Variants in SLC39A11 observed in about 807,000 individuals in gnomAD.
The protein encoded by SLC39A11 is solute carrier family 39 member 11.
Under a neutral mutation model 36.1 loss-of-function variants are expected in SLC39A11, and 33 were observed. The observed-to-expected ratio is 0.91, with a 90% CI of 0.69 to 1.22. SLC39A11 has a LOEUF of 1.22. SLC39A11 is among the 50% of genes most tolerant of loss of function. The pLI is 0.00. For missense variants in SLC39A11, 432 were observed against 430.3 expected (o/e 1.00, Z -0.03); for synonymous variants, 166 against 170.3 (o/e 0.97, Z 0.20).
Position 72,649,067 on chromosome 17 carries a change from C to T in SLC39A11, c.770+103G>A, listed in dbSNP as rs572995160. On this transcript the variant is annotated intron_variant, in intron 8 of 9. Coordinates refer to ENST00000255559, the MANE Select transcript of SLC39A11 (RefSeq NM_139177.4). ...TAGCACATGGATGCATGCCATTCTACGTCATATCTGAGCATGGCAGTGCAA... is the reference window on the plus strand; with the variant it reads ...TAGCACATGGATGCATGCCATTCTATGTCATATCTGAGCATGGCAGTGCAA... The T allele has an allele frequency of 8.4e-4, 1,291 of 1,537,326 alleles. 15 individuals are homozygous for T. In the South Asian group the frequency reaches 0.013, roughly 15 times the overall value.
chr17:72,760,960 T>G (rs1420187345), intron 6 of SLC39A11, among the ~76,000 whole-genome samples: 1 of 152,214 alleles, frequency 6.6e-6, no homozygotes, highest in African/African-American at 2.4e-5. Flanking sequence ...TACTGCCCCT[T>G]TAACCACATA....
chr17:72,730,244 G>A (rs573459985), intron 7 of SLC39A11, among the ~76,000 whole-genome samples: 16 of 152,250 alleles, frequency 1.1e-4, no homozygotes, highest in Admixed American at 8.5e-4. Flanking sequence ...TAAACAGTTC[G>A]AGGCTTATGT....
chr17:72,653,158 G>C (rs956351765), intron 7 of SLC39A11, among the ~76,000 whole-genome samples: 9 of 149,700 alleles, frequency 6.0e-5, no homozygotes, highest in Non-Finnish European at 1.3e-4. Context: ...AGGCTAGAGT[G>C]CACTGGCACG....
intron 5 of SLC39A11, among the ~76,000 whole-genome samples, chr17:72,853,206 TC>T (rs368721063): frequency 0.38 from 54,267 of 143,978 alleles, 10,478 homozygotes; most frequent in East Asian, 0.67. Context: ...TTTTTTTTTT[TC>T]AGTAGAGACA....
chr17:72,926,867 T>G (rs1208700333), intron 5 of SLC39A11, among the ~76,000 whole-genome samples: 1 of 151,994 alleles, frequency 6.6e-6, no homozygotes, highest in Non-Finnish European at 1.5e-5. Context: ...CACCTGGGGA[T>G]CAAGCTGAGG....
chr17:72,912,468 G>A (rs188228415), intron 5 of SLC39A11, among the ~76,000 whole-genome samples: 8,196 of 149,908 alleles, frequency 0.055, 394 homozygotes, highest in African/African-American at 0.13. Flanking sequence ...GGGGTCTTGA[G>A]CCGCTACCCA....
chr17:73,025,208 G>A (rs1045665807), intron 4 of SLC39A11, among the ~76,000 whole-genome samples: 1 of 152,286 alleles, frequency 6.6e-6, no homozygotes, highest in East Asian at 1.9e-4. Context: ...GCCCGTCTGG[G>A]CAGGACTGTT....
At chr17:73,007,727 C>G (rs1016490757) in intron 4 of SLC39A11, among the ~76,000 whole-genome samples, 1 of 151,994 alleles carries the variant, frequency 6.6e-6, no homozygotes, top group Non-Finnish European at 1.5e-5. Flanking sequence ...GAAGTCCAAG[C>G]TAAAGGGAAA....
chr17:72,679,561 C>G (rs4793478), intron 7 of SLC39A11, among the ~76,000 whole-genome samples: 1 of 151,888 alleles, frequency 6.6e-6, no homozygotes. Flanking sequence ...GCGCCCACCT[C>G]GGGCTTCTTC....
chr17:72,895,872 A>G (rs1421428349), intron 5 of SLC39A11, among the ~76,000 whole-genome samples: 2 of 152,226 alleles, frequency 1.3e-5, no homozygotes, highest in Non-Finnish European at 2.9e-5. Context: ...TTAACCAAAT[A>G]CTGTAGTTAA....
intron 6 of SLC39A11, among the ~76,000 whole-genome samples, chr17:72,813,306 T>C (rs2077487027): frequency 1.3e-5 from 2 of 152,222 alleles, no homozygotes; most frequent in Admixed American, 1.3e-4. Context: ...TTTTAATTTG[T>C]ATTTTGAAGT....
At position 73,004,208 on chromosome 17, in the gene SLC39A11, AAAG is replaced by A. The variant is rs1308841843; in HGVS notation, c.306+27345_306+27347del. Among the ~76,000 whole-genome samples, 152 of 129,800 alleles carry A rather than the reference AAAG, an allele frequency of 1.2e-3. 8 individuals are homozygous for A. The highest frequency in any genetic ancestry group is 3.6e-3 in the Middle Eastern group (1 of 278). 85.2% of individuals were successfully genotyped at this position (129,800 alleles called of 152,430 possible). On this transcript the variant is annotated intron_variant, in intron 4 of 9. Coordinates refer to ENST00000255559, the MANE Select transcript of SLC39A11 (RefSeq NM_139177.4). ...GAAAGAAAGAAAGAAAGAAAGAAAG[AAAG>A]AAAGAAAGAAAGAAAGAAAGAAAAG...
chr17:72,766,098 G>A (rs189061266), intron 6 of SLC39A11, among the ~76,000 whole-genome samples: 10 of 152,174 alleles, frequency 6.6e-5, no homozygotes, highest in South Asian at 6.2e-4. Context: ...CTGAATGTTC[G>A]TCCCTCTGTG....
intron 5 of SLC39A11, among the ~76,000 whole-genome samples, chr17:72,934,492 C>T (rs1349807084): frequency 6.6e-6 from 1 of 152,062 alleles, no homozygotes; most frequent in Admixed American, 6.6e-5. Flanking sequence ...ATGGTGAAAC[C>T]CCGTCTCTAC....
intron 7 of SLC39A11, among the ~76,000 whole-genome samples, chr17:72,674,249 G>A (rs888263618): frequency 6.6e-6 from 1 of 151,858 alleles, no homozygotes; most frequent in African/African-American, 2.4e-5. Context: ...GGATATATGT[G>A]TATTTTCTTA....
intron 3 of SLC39A11, among the ~76,000 whole-genome samples, chr17:73,082,472 T>G (rs960156957): frequency 1.2e-4 from 19 of 152,122 alleles, no homozygotes; most frequent in African/African-American, 4.6e-4. Flanking sequence ...TTTATTTGAT[T>G]TTTTTCTTTT....
At chr17:72,879,117 G>A (rs1016008819) in intron 5 of SLC39A11, among the ~76,000 whole-genome samples, 9 of 152,244 alleles carry the variant, frequency 5.9e-5, no homozygotes, top group Admixed American at 5.2e-4. Context: ...GCCCTTTCCA[G>A]GCACACTATC....
chr17:72,828,854 G>A (rs1314854445), intron 6 of SLC39A11, among the ~76,000 whole-genome samples: 1 of 152,162 alleles, frequency 6.6e-6, no homozygotes, highest in Admixed American at 6.5e-5. Context: ...GGTGGGCTCT[G>A]CACCCACAGA....
chr17:73,088,728 G>C lies in SLC39A11; in HGVS notation c.37C>G (p.Leu13Val). 6.2e-7 allele frequency: 1 copy of C among 1,611,512 alleles called. No individual in the cohort carries two copies. Among genetic ancestry groups the C allele is most frequent in the Non-Finnish European group, 8.5e-7 (1 of 1,178,880 alleles). Residue 13 changes from leucine (L) to valine (V), a missense_variant, in exon 2 of 10, where the codon CTG becomes GTG. Leu to Val is a conservative substitution (Grantham distance 32). Coordinates refer to ENST00000255559, the MANE Select transcript of SLC39A11 (RefSeq NM_139177.4). ...QGHSSVFQALLGTFFTWGMTA... is the reference protein window; with the variant it reads ...QGHSSVFQALVGTFFTWGMTA... ...ATCCCCCAGGTGAAGAAGGTCCCCA[G>C]CAAGGCCTGGAACACAGAGCTGTGG...
Sources: allele counts gnomAD v4.1 joint callset (sites outside exome capture counted in the v4.1 genomes callset), GRCh38; gene constraint gnomAD v4.1.1; transcripts MANE v1.5; gene names NCBI Gene and HGNC (gene_info 2026-07-23, HGNC 2026-07-21).